IQSEC3: variants seen among roughly 807,000 people sequenced by gnomAD.
The protein encoded by IQSEC3 is IQ motif and Sec7 domain ArfGEF 3, also known as IQ motif and SEC7 domain-containing protein 3.
IQSEC3 carries 50 observed loss-of-function variants against 105.4 expected under a neutral mutation model. That is an observed-to-expected ratio of 0.47 (90% CI 0.38 to 0.60). The LOEUF (loss-of-function observed/expected upper bound fraction) is 0.60, where lower values mean the gene tolerates loss of function less well. Ranked by LOEUF, IQSEC3 falls within the 20% of genes least tolerant of loss-of-function variation. IQSEC3 has a pLI of 0.00. For synonymous variants in IQSEC3, 708 were observed against 746.0 expected, an observed-to-expected ratio of 0.95 and a Z score of 0.83; for missense variants, 1,415 against 1,630.0, an observed-to-expected ratio of 0.87 and a Z score of 2.27.
intron 3 of IQSEC3, among the ~76,000 whole-genome samples, chr12:133,600 G>A (rs782031842): frequency 2.0e-5 from 3 of 152,252 alleles, no homozygotes; most frequent in Non-Finnish European, 4.4e-5. Context: ...GGTTGGGTCA[G>A]CATCTGGCCT....
At chr12:109,776 A>AT (rs1251100395) in intron 2 of IQSEC3, among the ~76,000 whole-genome samples, 1 of 151,292 alleles carries the variant, frequency 6.6e-6, no homozygotes, top group African/African-American at 2.4e-5. Flanking sequence ...CTTTTGCATT[A>AT]TTTTTCTCCC....
Position 165,538 on chromosome 12 carries a change from G to GTCTT in IQSEC3, c.2809+7_2809+10dup. The GTCTT allele has an allele frequency of 6.2e-7, 1 of 1,612,028 alleles. No individual in the cohort carries two copies. Among genetic ancestry groups the GTCTT allele is most frequent in the Non-Finnish European group, 8.5e-7 (1 of 1,178,074 alleles). On this transcript the variant is annotated splice_donor_region_variant and intron_variant, in intron 10 of 13. Transcript: ENST00000538872. ...TCCAGCTCTTTGAGAACGAGTGTAAGTCTTTGACAGCCAGTGTAAGTCTTT... is the reference window on the plus strand; with the variant it reads ...TCCAGCTCTTTGAGAACGAGTGTAAGTCTTTCTTTGACAGCCAGTGTAAGTCTTT...
intron 1 of IQSEC3, among the ~76,000 whole-genome samples, chr12:81,863 C>G (rs1232655248): frequency 6.6e-6 from 1 of 152,120 alleles, no homozygotes; most frequent in Non-Finnish European, 1.5e-5. Context: ...AGGAGAACAG[C>G]CAGGAGAAGC....
intron 3 of IQSEC3, among the ~76,000 whole-genome samples, chr12:131,155 G>A (rs981996546): frequency 3.3e-5 from 5 of 151,996 alleles, no homozygotes; most frequent in South Asian, 2.1e-4. Context: ...GAAAGAAGGG[G>A]GCACGTTCTA....
chr12:126,965 C>T (rs1168071935), intron 3 of IQSEC3, among the ~76,000 whole-genome samples: 1 of 152,164 alleles, frequency 6.6e-6, no homozygotes, highest in East Asian at 1.9e-4. Context: ...AAGTGTTTGA[C>T]CAAATCCCCC....
At chr12:81,653 G>GCT (rs1863749421) in intron 1 of IQSEC3, among the ~76,000 whole-genome samples, 1 of 152,182 alleles carries the variant, frequency 6.6e-6, no homozygotes, top group East Asian at 1.9e-4. Context: ...GTTTGAGACA[G>GCT]CTCTTAGATG....
At position 120,934 on chromosome 12, in the gene IQSEC3, C is replaced by T. The variant is rs1218595348; in HGVS notation, c.624-4699C>T. On this transcript the variant is annotated intron_variant, in intron 2 of 13. Transcript: ENST00000538872. ...GGGTGCCCCAGCCCAGGGAGTAATCCTGTGACCAGCATCGCTCATATACCA... is the reference window on the plus strand; with the variant it reads ...GGGTGCCCCAGCCCAGGGAGTAATCTTGTGACCAGCATCGCTCATATACCA... Among the ~76,000 whole-genome samples, 4 of 152,198 alleles carry T rather than the reference C, an allele frequency of 2.6e-5. No individual in the cohort carries two copies. The South Asian group carries it at 8.3e-4, about 32-fold the overall frequency.
chr12:133,567 C>A (rs547438586), intron 3 of IQSEC3, among the ~76,000 whole-genome samples: 88 of 152,338 alleles, frequency 5.8e-4, no homozygotes, highest in African/African-American at 1.9e-3. Flanking sequence ...GCAGCAGGAC[C>A]CAGAGCACAG....
At chr12:127,699 C>A (rs1555083900) in intron 3 of IQSEC3, among the ~76,000 whole-genome samples, 1 of 152,130 alleles carries the variant, frequency 6.6e-6, no homozygotes, top group East Asian at 1.9e-4. Context: ...CTGTTCATGT[C>A]CTTTGCCCAC....
In IQSEC3 at chr12:138,612, C is replaced by G; in HGVS notation, c.1249C>G (p.Leu417Val). ...QSLAKSIDDA[L>V]STWSLKTMCS... ...CCTGGCCAAGTCCATCGACGACGCG[C>G]TCAGCACGTGGAGCCTCAAGACCAT... Residue 417 changes from leucine (L) to valine (V), a missense_variant, in exon 4 of 14, where the codon CTC (leucine) becomes GTC (valine). By Grantham distance (32) the Leu-to-Val change is conservative. Transcript: ENST00000538872. The surrounding 1 kb of genome is among the most constrained non-coding windows in gnomAD (Gnocchi z 7.1). 1 of 1,588,804 alleles carries G rather than the reference C, an allele frequency of 6.3e-7. No individual in the cohort carries two copies. The highest frequency in any genetic ancestry group is 8.5e-7 in the Non-Finnish European group (1 of 1,175,110).
chr12:138,984 C>G lies in IQSEC3; in HGVS notation c.1621C>G (p.Pro541Ala). ...CTCTGGGCGGGAGGCCCCGGAAGCC[C>G]CCGCCGTGGGCCGGGAGGACGCGTC... The part of the protein sequence containing the change: ...ETSGREAPEA[P>A]AVGREDASAE... The change falls in exon 4 of 14, where the codon CCC (proline) becomes GCC (alanine). Residue 541 changes from proline (P) to alanine (A), a missense_variant. Transcript: ENST00000538872. The surrounding 1 kb of genome is among the most constrained non-coding windows in gnomAD (Gnocchi z 7.1). The G allele has an allele frequency of 1.3e-6, 2 of 1,538,628 alleles. No homozygotes were observed. The highest frequency in any genetic ancestry group is 1.8e-6 in the Non-Finnish European group (2 of 1,142,444).
In IQSEC3 at chr12:169,062, C is replaced by G. The variant is rs782360292; in HGVS notation, c.3021C>G (p.Cys1007Trp). The G allele has an allele frequency of 1.2e-6, 2 of 1,614,016 alleles. No homozygotes were observed. The highest frequency in any genetic ancestry group is 1.7e-6 in the Non-Finnish European group (2 of 1,180,004). Residue 1007 changes from cysteine to tryptophan, a missense_variant, in exon 12 of 14, where the codon TGC becomes TGG. Coordinates refer to ENST00000538872, the MANE Select transcript of IQSEC3 (RefSeq NM_001170738.2). The stretch of plus-strand genomic sequence containing the variant: ...CAAAGACACTCTCCTTCAAGCCCTG[C>G]GGAGCCCAGGGGGACCCACAGTCAA... ...QGTKTLSFKP[C>W]GAQGDPQSKQ...
chr12:91,736 G>A (rs782089445), intron 1 of IQSEC3, among the ~76,000 whole-genome samples: 8 of 152,104 alleles, frequency 5.3e-5, no homozygotes, highest in African/African-American at 1.4e-4. Flanking sequence ...AGCTGAGATC[G>A]TGCCACTGCA....
chr12:124,897 G>A (rs1865334278), intron 2 of IQSEC3, among the ~76,000 whole-genome samples: 1 of 152,212 alleles, frequency 6.6e-6, no homozygotes, highest in Admixed American at 6.5e-5. Flanking sequence ...GGCTCAGCCT[G>A]CTGTGGCTCC....
At chr12:173,338 G>A (rs534066541) in intron 13 of IQSEC3, among the ~76,000 whole-genome samples, 1 of 152,312 alleles carries the variant, frequency 6.6e-6, no homozygotes, top group East Asian at 1.9e-4. Context: ...TGTGGCAGTG[G>A]GGCTCATGAA....
intron 13 of IQSEC3, among the ~76,000 whole-genome samples, chr12:173,092 C>G (rs1555100841): frequency 1.3e-5 from 2 of 152,144 alleles, no homozygotes; most frequent in African/African-American, 4.8e-5. Context: ...GGGAGGAATT[C>G]AGAATACAAG....
At chr12:124,814 C>A (rs1015569558) in intron 2 of IQSEC3, among the ~76,000 whole-genome samples, 10 of 152,204 alleles carry the variant, frequency 6.6e-5, no homozygotes, top group Non-Finnish European at 1.2e-4. Flanking sequence ...ACCAACTCTA[C>A]AAAGCAGGCT....
rs1486260666 is a variant in IQSEC3, at chr12:139,205, GGCCTCCGCCTCCAAGGAC to G, written c.1846_1863del (p.Ser616_Ala621del). On this transcript the variant is annotated inframe_deletion, in exon 4 of 14. Transcript: ENST00000538872. ...CCGCCAAGTCAGGCTCGGAGGCGTC[GGCCTCCGCCTCCAAGGAC>G]GCCCTGCAGGCCATGATCCTGAGCC... 1.9e-6 allele frequency: 3 copies of G among 1,592,292 alleles called. No individual in the cohort carries two copies. The highest frequency in any genetic ancestry group is 2.6e-6 in the Non-Finnish European group (3 of 1,172,244).
At chr12:106,359 A>T (rs1864650987) in intron 2 of IQSEC3, among the ~76,000 whole-genome samples, 2 of 152,198 alleles carry the variant, frequency 1.3e-5, no homozygotes, top group Non-Finnish European at 2.9e-5. Flanking sequence ...GCTGCTTCCC[A>T]TGTCCCCAGC....
Sources: allele counts gnomAD v4.1 joint callset (sites outside exome capture counted in the v4.1 genomes callset), GRCh38; gene constraint gnomAD v4.1.1; non-coding constraint Gnocchi (gnomAD v3.1); transcripts MANE v1.5; gene names NCBI Gene and HGNC (gene_info 2026-07-23, HGNC 2026-07-21).